The following PPFIBP1 variants were observed in gnomAD, a reference collection of about 807,000 sequenced individuals.
PPFIBP1 encodes liprin-beta-1.
Under a neutral mutation model 137.8 loss-of-function variants are expected in PPFIBP1, and 112 were observed. That is an observed-to-expected ratio of 0.81 (90% confidence interval 0.70 to 0.95). The LOEUF (loss-of-function observed/expected upper bound fraction) is 0.95, where lower values mean the gene tolerates loss of function less well. PPFIBP1 is among the 40% of genes least tolerant of loss of function. The pLI is 0.00. For synonymous variants in PPFIBP1, 378 were observed against 417.3 expected, an observed-to-expected ratio of 0.91 and a Z score of 1.15; for missense variants, 1,083 against 1,196.6, an observed-to-expected ratio of 0.91 and a Z score of 1.40.
At chr12:27,651,679 G>T (rs1409546491) in intron 7 of PPFIBP1, among the ~76,000 whole-genome samples, 4 of 152,136 alleles carry the variant, frequency 2.6e-5, no homozygotes, top group African/African-American at 7.2e-5. Flanking sequence ...AAGAATTGAT[G>T]GTAGATATGG....
intron 2 of PPFIBP1, among the ~76,000 whole-genome samples, chr12:27,591,201 T>A (rs2052477523): frequency 6.6e-6 from 1 of 151,754 alleles, no homozygotes; most frequent in Non-Finnish European, 1.5e-5. Context: ...GAATTGAAAT[T>A]GAGGAAAGGA....
intron 2 of PPFIBP1, among the ~76,000 whole-genome samples, chr12:27,587,094 T>G (rs760010633): frequency 2.0e-4 from 31 of 152,180 alleles, no homozygotes; most frequent in Non-Finnish European, 4.4e-4. Context: ...CTAGTCTGCT[T>G]TCAACTGAAC....
intron 21 of PPFIBP1, 114 bp downstream of exon 21, chr12:27,680,175 C>T (rs1382697829): frequency 1.2e-5 from 16 of 1,384,352 alleles, no homozygotes; most frequent in Non-Finnish European, 1.5e-5. Context: ...TAATGCTGTG[C>T]CTAATGAAAG....
chr12:27,667,016 T>TGTG, intron 12 of PPFIBP1, 150 bp from the exon 13 acceptor site: 1 of 806,546 alleles, frequency 1.2e-6, no homozygotes, highest in Non-Finnish European at 1.8e-6. Context: ...CCTATGTTGT[T>TGTG]TTTCAAGGGC....
intron 1 of PPFIBP1, among the ~76,000 whole-genome samples, chr12:27,526,605 A>G (rs959121111): frequency 6.6e-6 from 1 of 152,148 alleles, no homozygotes; most frequent in African/African-American, 2.4e-5. Context: ...AGGCTGAGGC[A>G]CGCAGATCAC....
chr12:27,647,732 A>C lies in PPFIBP1; in HGVS notation c.361A>C (p.Ser121Arg), dbSNP rs748790807. The C allele has an allele frequency of 1.9e-6, 3 of 1,590,124 alleles. No homozygotes were observed. Among genetic ancestry groups the C allele is most frequent in the East Asian group, 4.6e-5 (2 of 43,790 alleles). ...CATTATTTTGCTCTAAATACAGGTAAGTGTGTTAACAGACCAGGTGGAGGC... is the reference window on the plus strand; with the variant it reads ...CATTATTTTGCTCTAAATACAGGTACGTGTGTTAACAGACCAGGTGGAGGC... ...NDKESLVLQV[S>R]VLTDQVEAQG... Residue 121 changes from serine to arginine, a missense_variant, in exon 6 of 30, where the codon AGT becomes CGT. Coordinates refer to ENST00000228425, the MANE Select transcript of PPFIBP1 (RefSeq NM_003622.4).
chr12:27,588,112 A>C (rs186865851), intron 2 of PPFIBP1, among the ~76,000 whole-genome samples: 44 of 152,340 alleles, frequency 2.9e-4, no homozygotes, highest in African/African-American at 1.1e-3. Context: ...ATTAGATTCA[A>C]ATTAAACATT....
At chr12:27,641,428 A>T (rs1228608117) in intron 4 of PPFIBP1, among the ~76,000 whole-genome samples, 1 of 152,220 alleles carries the variant, frequency 6.6e-6, no homozygotes, top group South Asian at 2.1e-4. Flanking sequence ...GCATGATGTT[A>T]TAAGTAAAAA....
At chr12:27,596,657 A>G (rs2053349032) in intron 2 of PPFIBP1, among the ~76,000 whole-genome samples, 1 of 152,210 alleles carries the variant, frequency 6.6e-6, no homozygotes, top group Non-Finnish European at 1.5e-5. Context: ...AGCTAAGACT[A>G]CAGGTGTATA....
At chr12:27,561,230 T>C (rs551914164) in intron 1 of PPFIBP1, among the ~76,000 whole-genome samples, 13 of 152,300 alleles carry the variant, frequency 8.5e-5, no homozygotes, top group African/African-American at 2.9e-4. Flanking sequence ...AGTGGTCTTT[T>C]GGTCTTTCTG....
intron 14 of PPFIBP1, 88 bp downstream of exon 14, chr12:27,671,634 A>G: frequency 2.5e-6 from 2 of 786,586 alleles, no homozygotes; most frequent in Non-Finnish European, 4.0e-6. Context: ...TTACAGACAC[A>G]ATTTTTACCT....
At chr12:27,605,714 A>G (rs966090657) in intron 2 of PPFIBP1, among the ~76,000 whole-genome samples, 1 of 152,128 alleles carries the variant, frequency 6.6e-6, no homozygotes, top group African/African-American at 2.4e-5. Flanking sequence ...AATTCAACGC[A>G]GTTTTGGTGG....
Position 27,664,419 on chromosome 12 carries a change from A to G in PPFIBP1, c.964A>G (p.Thr322Ala). ...GAACAGGTACAAGAAAATGCAAGAC[A>G]CGGTGGTACTGGCCCAAGGTAAAAA... ...CLNRYKKMQDTVVLAQGKKGK... is the reference protein window; with the variant it reads ...CLNRYKKMQDAVVLAQGKKGK... The change falls in exon 12 of 30, where the codon ACG becomes GCG. Residue 322 changes from threonine to alanine, a missense_variant. Coordinates refer to ENST00000228425, the MANE Select transcript of PPFIBP1 (RefSeq NM_003622.4). The G allele has an allele frequency of 6.2e-7, 1 of 1,613,040 alleles. No individual in the cohort carries two copies. Among genetic ancestry groups the G allele is most frequent in the Non-Finnish European group, 8.5e-7 (1 of 1,179,192 alleles).
chr12:27,566,473 A>G lies in PPFIBP1; in HGVS notation c.-123-11679A>G, dbSNP rs958933709. On this transcript the variant is annotated intron_variant, in intron 1 of 29. Transcript: ENST00000228425. ...ACAGAAATTGGTAAAAACTCAAGTG[A>G]ATCAAAAGCCTTTAGGATAAAACCC... Among the ~76,000 whole-genome samples, 11 of 152,360 alleles carry G rather than the reference A, an allele frequency of 7.2e-5. 1 individual carries two copies. The East Asian group carries it at 1.9e-3, about 27-fold the overall frequency.
intron 2 of PPFIBP1, among the ~76,000 whole-genome samples, chr12:27,580,475 C>T (rs184291265): frequency 6.6e-6 from 1 of 152,142 alleles, no homozygotes; most frequent in Non-Finnish European, 1.5e-5. Flanking sequence ...AGATTCCCCC[C>T]AAATCTGCTG....
chr12:27,574,132 A>G (rs1321651214), intron 1 of PPFIBP1, among the ~76,000 whole-genome samples: 1 of 152,174 alleles, frequency 6.6e-6, no homozygotes, highest in Non-Finnish European at 1.5e-5. Context: ...ACTGAGTCAC[A>G]TTTAGGTGAC....
At chr12:27,568,346 G>A (rs1402432212) in intron 1 of PPFIBP1, among the ~76,000 whole-genome samples, 1 of 152,128 alleles carries the variant, frequency 6.6e-6, no homozygotes, top group East Asian at 1.9e-4. Context: ...TGTATTGGTT[G>A]ACTATTTAAA....
At chr12:27,543,442 G>A (rs371624644) in intron 1 of PPFIBP1, among the ~76,000 whole-genome samples, 3 of 152,128 alleles carry the variant, frequency 2.0e-5, no homozygotes, top group East Asian at 3.8e-4. Context: ...TGTAAGTGGG[G>A]CTTTATTGGG....
At chr12:27,683,074 T>A (rs915841260) in intron 24 of PPFIBP1, among the ~76,000 whole-genome samples, 2 of 152,230 alleles carry the variant, frequency 1.3e-5, no homozygotes, top group Admixed American at 1.3e-4. Flanking sequence ...TTTTGTATTA[T>A]TTCTTTTGAG....
Sources: allele counts gnomAD v4.1 joint callset (sites outside exome capture counted in the v4.1 genomes callset), GRCh38; gene constraint gnomAD v4.1.1; transcripts MANE v1.5; gene names NCBI Gene and HGNC (gene_info 2026-07-23, HGNC 2026-07-21).